The following CHRM3 variants were observed in gnomAD, a reference collection of about 807,000 sequenced individuals.
The protein encoded by CHRM3 is cholinergic receptor muscarinic 3.
Under a neutral mutation model 41.8 loss-of-function variants are expected in CHRM3, and 11 were observed. The ratio of observed to expected loss-of-function variants is 0.26; its 90% confidence interval spans 0.17 to 0.44. CHRM3 has a LOEUF of 0.44. Among genes scored for constraint, CHRM3 ranks in the 20% least tolerant of loss-of-function variants. The pLI is 1.00. For synonymous variants in CHRM3, 297 were observed against 301.4 expected, an observed-to-expected ratio of 0.99 and a Z score of 0.15; for missense variants, 571 against 745.4, an observed-to-expected ratio of 0.77 and a Z score of 2.72.
chr1:239,498,850 G>T (rs1441810934), intron 2 of CHRM3, among the ~76,000 whole-genome samples: 1 of 151,988 alleles, frequency 6.6e-6, no homozygotes, highest in East Asian at 1.9e-4. Context: ...TTACTATGCG[G>T]TTATACATCT....
At chr1:239,742,818 T>C (rs1010402109) in intron 5 of CHRM3, among the ~76,000 whole-genome samples, 3 of 152,352 alleles carry the variant, frequency 2.0e-5, no homozygotes, top group Admixed American at 1.3e-4. Context: ...TAAAAATCTC[T>C]AACAAGATTC....
intron 5 of CHRM3, among the ~76,000 whole-genome samples, chr1:239,770,597 A>G (rs564227266): frequency 6.6e-6 from 1 of 152,292 alleles, no homozygotes; most frequent in African/African-American, 2.4e-5. Context: ...AATGAAGGAA[A>G]GGACTGAGCG....
intron 6 of CHRM3, among the ~76,000 whole-genome samples, chr1:239,890,880 A>G (rs1315334777): frequency 3.3e-5 from 5 of 152,196 alleles, no homozygotes; most frequent in Non-Finnish European, 7.3e-5. Flanking sequence ...AAAGTGTTTG[A>G]TGCATGTTAT....
chr1:239,770,806 T>G (rs1667600205), intron 5 of CHRM3, among the ~76,000 whole-genome samples: 1 of 152,214 alleles, frequency 6.6e-6, no homozygotes, highest in South Asian at 2.1e-4. Flanking sequence ...TATCAATTTG[T>G]CTTAAGATAC....
At chr1:239,516,179 G>A (rs1669256987) in intron 2 of CHRM3, among the ~76,000 whole-genome samples, 1 of 152,056 alleles carries the variant, frequency 6.6e-6, no homozygotes. Flanking sequence ...AGATTTGAAA[G>A]AATTTATAGT....
intron 3 of CHRM3, among the ~76,000 whole-genome samples, chr1:239,631,582 G>A (rs1365273792): frequency 1.3e-5 from 2 of 152,102 alleles, no homozygotes; most frequent in Non-Finnish European, 2.9e-5. Context: ...GCAAAGCCTG[G>A]CACTTCTTTT....
At chr1:239,582,965 C>A (rs974536413) in intron 3 of CHRM3, among the ~76,000 whole-genome samples, 8 of 152,294 alleles carry the variant, frequency 5.3e-5, no homozygotes, top group Non-Finnish European at 1.0e-4. Flanking sequence ...CCCTGTTGCT[C>A]TCCAGCCAGT....
intron 3 of CHRM3, among the ~76,000 whole-genome samples, chr1:239,614,621 T>A (rs796756979): frequency 1.1e-4 from 16 of 152,326 alleles, no homozygotes; most frequent in African/African-American, 3.8e-4. Flanking sequence ...TCACGCTTAT[T>A]TACCAAATAG....
At chr1:239,408,622 CTA>C (rs573905165) in intron 1 of CHRM3, among the ~76,000 whole-genome samples, 27 of 151,124 alleles carry the variant, frequency 1.8e-4, no homozygotes, top group African/African-American at 6.1e-4. Flanking sequence ...GCAATCAAGA[CTA>C]TGTTGGCCCA....
intron 6 of CHRM3, among the ~76,000 whole-genome samples, chr1:239,868,163 T>C (rs1210630967): frequency 6.6e-6 from 1 of 152,192 alleles, no homozygotes. Context: ...ATTGTGTGGG[T>C]GAGACATTAA....
intron 5 of CHRM3, among the ~76,000 whole-genome samples, chr1:239,775,117 T>C (rs1667987718): frequency 6.6e-6 from 1 of 152,186 alleles, no homozygotes. Context: ...GTCTGTCTTA[T>C]CTAACTTGGG....
At chr1:239,650,684 C>T (rs936976490) in intron 4 of CHRM3, among the ~76,000 whole-genome samples, 4 of 152,210 alleles carry the variant, frequency 2.6e-5, no homozygotes, top group African/African-American at 9.6e-5. Flanking sequence ...TTCATTTTCA[C>T]TTCACTAAAA....
rs563417891 is a variant in CHRM3 at position 239,914,395 on chromosome 1, C to T, written c.*5171C>T. On this transcript the variant is annotated 3_prime_UTR_variant, in exon 7 of 7. Coordinates refer to ENST00000676153, the MANE Select transcript of CHRM3 (RefSeq NM_001375978.1). ...TCAACATTCTGTGCACATCAATGTCCCATGCTGCTACTGTAGTCAGGAGTT... is the reference window on the plus strand; with the variant it reads ...TCAACATTCTGTGCACATCAATGTCTCATGCTGCTACTGTAGTCAGGAGTT... The T allele has an allele frequency of 6.0e-6, 1 of 167,074 alleles. No homozygotes were observed. The allele number at this position is 167,074 out of a possible 1,614,324, so 10.3% of individuals were successfully genotyped here. A position where few individuals can be genotyped will look rare whatever the true frequency, so the allele number is the denominator to read the frequency against.
At chr1:239,814,862 A>C (rs1671444104) in intron 5 of CHRM3, among the ~76,000 whole-genome samples, 1 of 152,126 alleles carries the variant, frequency 6.6e-6, no homozygotes, top group African/African-American at 2.4e-5. Flanking sequence ...GGCTCACGGC[A>C]ACCTCTTGCC....
chr1:239,755,938 T>A (rs1348491499), intron 5 of CHRM3, among the ~76,000 whole-genome samples: 1 of 151,960 alleles, frequency 6.6e-6, no homozygotes, highest in African/African-American at 2.4e-5. Context: ...AAAAAATCAC[T>A]TTTTTTAGAA....
chr1:239,790,295 T>G (rs1243813824), intron 5 of CHRM3, among the ~76,000 whole-genome samples: 1 of 152,148 alleles, frequency 6.6e-6, no homozygotes, highest in African/African-American at 2.4e-5. Flanking sequence ...AGGGTAAGAA[T>G]GATAGGGTTT....
chr1:239,774,029 C>G (rs1430508210), intron 5 of CHRM3, among the ~76,000 whole-genome samples: 2 of 152,188 alleles, frequency 1.3e-5, no homozygotes, highest in Non-Finnish European at 2.9e-5. Flanking sequence ...CTTAGATTCT[C>G]TGGACTTTTT....
At chr1:239,417,885 G>T (rs1454659022) in intron 1 of CHRM3, among the ~76,000 whole-genome samples, 1 of 152,072 alleles carries the variant, frequency 6.6e-6, no homozygotes, top group African/African-American at 2.4e-5. Flanking sequence ...AGTTCTAACA[G>T]ATTTTTTTCC....
chr1:239,832,805 T>C (rs1320358126), intron 6 of CHRM3, among the ~76,000 whole-genome samples: 1 of 152,192 alleles, frequency 6.6e-6, no homozygotes, highest in Non-Finnish European at 1.5e-5. Context: ...TTTGCACGTA[T>C]CGATATTATT....
Sources: gnomAD v4.1 joint callset for allele counts (sites outside exome capture counted in the v4.1 genomes callset) on GRCh38, gnomAD v4.1.1 for gene constraint, MANE v1.5 for transcripts, NCBI Gene and HGNC (gene_info 2026-07-23, HGNC 2026-07-21) for gene names.